The following SLC22A15 variants were observed in gnomAD, a reference collection of about 807,000 sequenced individuals.
SLC22A15 encodes solute carrier family 22 member 15, also known as flipt 1.
In SLC22A15, 45 loss-of-function variants were observed where a neutral mutation model predicts 62.7. That is an observed-to-expected ratio of 0.72 (90% CI 0.56 to 0.92). SLC22A15 has a LOEUF of 0.92. Among genes scored for constraint, SLC22A15 ranks in the 40% least tolerant of loss-of-function variants. SLC22A15 has a pLI of 0.00. For synonymous variants in SLC22A15, 264 were observed against 267.0 expected, an observed-to-expected ratio of 0.99 and a Z score of 0.11; for missense variants, 622 against 665.6, an observed-to-expected ratio of 0.93 and a Z score of 0.72.
chr1:116,050,404 G>C (rs1246557540), intron 8 of SLC22A15, among the ~76,000 whole-genome samples: 1 of 152,178 alleles, frequency 6.6e-6, no homozygotes, highest in Non-Finnish European at 1.5e-5. Flanking sequence ...CCATGATCAA[G>C]TGGGTTTCAT....
At chr1:116,013,368 C>T (rs747637651) in intron 2 of SLC22A15, among the ~76,000 whole-genome samples, 14 of 152,144 alleles carry the variant, frequency 9.2e-5, no homozygotes, top group Admixed American at 3.9e-4. Context: ...TCTAGTATTC[C>T]CTCTAGTACT....
chr1:115,987,049 G>A (rs955273977), intron 1 of SLC22A15, among the ~76,000 whole-genome samples: 2 of 152,162 alleles, frequency 1.3e-5, no homozygotes, highest in Admixed American at 1.3e-4. Context: ...CCTGGACCAT[G>A]TGGTGGAGGA....
chr1:115,998,617 G>T (rs1227385288), intron 2 of SLC22A15, among the ~76,000 whole-genome samples: 3 of 151,920 alleles, frequency 2.0e-5, no homozygotes, highest in Admixed American at 2.0e-4. Context: ...TTGAATTTCT[G>T]TTGTGTCAGT....
At chr1:115,978,865 C>G (rs1654457160) in intron 1 of SLC22A15, among the ~76,000 whole-genome samples, 2 of 152,168 alleles carry the variant, frequency 1.3e-5, no homozygotes. Flanking sequence ...CCTTTTTACA[C>G]AGTTGCCTTA....
In SLC22A15 at chr1:116,063,005, A is replaced by G. The variant is rs532870657; in HGVS notation, c.1292+123A>G. The G allele has an allele frequency of 3.3e-4, 426 of 1,293,214 alleles. 4 individuals are homozygous for G. In the South Asian group the frequency reaches 5.2e-3, roughly 16 times the overall value. 80.1% of individuals were successfully genotyped at this position (1,293,214 alleles called of 1,614,324 possible). A position where few individuals can be genotyped will look rare whatever the true frequency, so the allele number is the denominator to read the frequency against. On this transcript the variant is annotated intron_variant, in intron 9 of 11. Transcript: ENST00000369503. ...AGTTAGTTTGGGGCAGCAGTAATTCAGCAAGCAGTTTAGGGTGAGAGCTTG... is the reference window on the plus strand; with the variant it reads ...AGTTAGTTTGGGGCAGCAGTAATTCGGCAAGCAGTTTAGGGTGAGAGCTTG...
chr1:115,981,877 A>G (rs1283161576), intron 1 of SLC22A15, among the ~76,000 whole-genome samples: 1 of 152,218 alleles, frequency 6.6e-6, no homozygotes, highest in Non-Finnish European at 1.5e-5. Context: ...AGGACAGGCA[A>G]TGTGAATATG....
At chr1:116,002,687 G>C (rs1171074275) in intron 2 of SLC22A15, among the ~76,000 whole-genome samples, 1 of 151,460 alleles carries the variant, frequency 6.6e-6, no homozygotes, top group Non-Finnish European at 1.5e-5. Context: ...CAAGGCCCAG[G>C]AGCTCTTTAC....
At chr1:115,986,168 A>C (rs1043400819) in intron 1 of SLC22A15, among the ~76,000 whole-genome samples, 22 of 152,054 alleles carry the variant, frequency 1.4e-4, no homozygotes, top group Non-Finnish European at 4.4e-5. Flanking sequence ...ATTGGAGCAA[A>C]AATTAGCTAA....
chr1:116,050,521 C>T (rs887117669), intron 8 of SLC22A15, among the ~76,000 whole-genome samples: 13 of 152,082 alleles, frequency 8.5e-5, no homozygotes, highest in African/African-American at 3.1e-4. Flanking sequence ...GCAGAAAAAG[C>T]ATTAGACAAA....
chr1:115,987,351 A>T (rs1654924016), intron 1 of SLC22A15, among the ~76,000 whole-genome samples: 1 of 151,912 alleles, frequency 6.6e-6, no homozygotes. Context: ...TTTTTATTAG[A>T]GATGGGGTTT....
Position 116,031,586 on chromosome 1 carries a change from T to C in SLC22A15, c.944+5T>C, listed in dbSNP as rs1657399437. 6.2e-7 allele frequency: 1 copy of C among 1,613,096 alleles called. No individual in the cohort carries two copies. Among genetic ancestry groups the C allele is most frequent in the African/African-American group, 1.3e-5 (1 of 75,034 alleles). On this transcript the variant is annotated splice_donor_5th_base_variant and intron_variant, in intron 6 of 11. Transcript: ENST00000369503. Reference sequence around the variant, plus strand: ...TTTGATCCTGATGTTCATCTGGTAATTATACTAAGGCGTGTTCTGTTGCTC... The same window carrying C: ...TTTGATCCTGATGTTCATCTGGTAACTATACTAAGGCGTGTTCTGTTGCTC...
intron 8 of SLC22A15, among the ~76,000 whole-genome samples, chr1:116,053,426 G>A (rs558243503): frequency 2.6e-5 from 4 of 152,314 alleles, no homozygotes; most frequent in South Asian, 2.1e-4. Context: ...ATCTATGTCC[G>A]ATTGGTGTAC....
chr1:116,047,576 A>G (rs1448537606), intron 8 of SLC22A15, among the ~76,000 whole-genome samples: 1 of 152,184 alleles, frequency 6.6e-6, no homozygotes, highest in Non-Finnish European at 1.5e-5. Flanking sequence ...GACAACCCCC[A>G]GTTCCAGCCC....
chr1:116,040,506 C>G (rs143698379), intron 8 of SLC22A15, among the ~76,000 whole-genome samples: 1 of 152,198 alleles, frequency 6.6e-6, no homozygotes, highest in African/African-American at 2.4e-5. Flanking sequence ...TCAAGCAACA[C>G]GTCCAAGGTT....
At chr1:116,065,482 C>T (rs1048927513) in intron 10 of SLC22A15, among the ~76,000 whole-genome samples, 2 of 152,128 alleles carry the variant, frequency 1.3e-5, no homozygotes, top group African/African-American at 4.8e-5. Flanking sequence ...TCTGTTGCTT[C>T]CTACAAGGTT....
intron 4 of SLC22A15, among the ~76,000 whole-genome samples, chr1:116,021,933 C>T (rs1656858372): frequency 6.6e-6 from 1 of 152,204 alleles, no homozygotes; most frequent in South Asian, 2.1e-4. Flanking sequence ...CAGCATGTCA[C>T]CTCATGTGAG....
At position 116,012,034 on chromosome 1, in the gene SLC22A15, A is replaced by G. The variant is rs577260350; in HGVS notation, c.301-7548A>G. 4.6e-5 allele frequency among the ~76,000 whole-genome samples: 7 copies of G among 152,298 alleles called. 1 individual carries two copies. Among genetic ancestry groups the G allele is most frequent in the African/African-American group, 1.7e-4 (7 of 41,558 alleles). On this transcript the variant is annotated intron_variant, in intron 2 of 11. Transcript: ENST00000369503. ...AGGGCAAAGCCCACTTGTGGGAGGGAAATGACCCACTGCTTGTAAAAGCTT... is the reference window on the plus strand; with the variant it reads ...AGGGCAAAGCCCACTTGTGGGAGGGGAATGACCCACTGCTTGTAAAAGCTT...
chr1:116,051,951 G>A lies in SLC22A15; in HGVS notation c.1172-10811G>A, dbSNP rs199693798. 9.8e-5 allele frequency among the ~76,000 whole-genome samples: 15 copies of A among 152,344 alleles called. No individual in the cohort carries two copies. The East Asian group carries it at 2.9e-3, about 29-fold the overall frequency. On this transcript the variant is annotated intron_variant, in intron 8 of 11. Transcript: ENST00000369503. ...AAGATGGCCGAATAGGAACAGCTCT[G>A]GTCTACAGCTCCCAGCGTGAGCGAC...
At chr1:116,035,120 A>T in intron 6 of SLC22A15, 67 bp from the exon 7 acceptor site, 2 of 1,513,658 alleles carry the variant, frequency 1.3e-6, no homozygotes, top group South Asian at 2.6e-5. Context: ...CCTCTGGCAA[A>T]TTCTTATGTA....
Sources: allele counts gnomAD v4.1 joint callset (sites outside exome capture counted in the v4.1 genomes callset), GRCh38; gene constraint gnomAD v4.1.1; transcripts MANE v1.5; gene names NCBI Gene and HGNC (gene_info 2026-07-23, HGNC 2026-07-21).